RARB: variants seen among roughly 807,000 people sequenced by gnomAD.
RARB encodes retinoic acid receptor beta.
RARB carries 17 observed loss-of-function variants against 51.9 expected under a neutral mutation model. The observed-to-expected ratio is 0.33, with a 90% CI of 0.22 to 0.49. The LOEUF is 0.49. RARB is among the 20% of genes least tolerant of loss of function. The pLI is 0.99. For missense variants in RARB, 369 were observed against 550.8 expected (o/e 0.67, Z 3.30); for synonymous variants, 215 against 195.4 (o/e 1.10, Z -0.84).
rs188892738 is a variant in RARB at position 24,923,763 on chromosome 3, T to G, written c.-380+65011T>G. Among the ~76,000 whole-genome samples, 270 of 152,266 alleles carry G rather than the reference T, an allele frequency of 1.8e-3. 2 individuals are homozygous for G. The highest frequency in any genetic ancestry group is 0.012 in the South Asian group (60 of 4,822). On this transcript the variant is annotated intron_variant, in intron 2 of 11. Coordinates refer to the RARB transcript ENST00000383772. ...AACGGGCCTGAGCAAACCTAGAGTT[T>G]AGTAGCTTATGAAGCTTAAAGACTG... is the stretch of plus-strand genomic sequence containing the variant.
chr3:25,573,748 A>C (rs1329849220), intron 4 of RARB, among the ~76,000 whole-genome samples: 2 of 152,088 alleles, frequency 1.3e-5, no homozygotes, highest in African/African-American at 4.8e-5. Flanking sequence ...TGTCATCTTC[A>C]CCAGAGTGGC....
chr3:24,862,390 G>T (rs1195852811), intron 2 of RARB, among the ~76,000 whole-genome samples: 1 of 152,174 alleles, frequency 6.6e-6, no homozygotes, highest in Admixed American at 6.5e-5. Flanking sequence ...TGGTGAGGAA[G>T]TACAGTCATC....
At chr3:25,251,449 T>C (rs1430395332) in intron 5 of RARB, among the ~76,000 whole-genome samples, 1 of 152,158 alleles carries the variant, frequency 6.6e-6, no homozygotes, top group African/African-American at 2.4e-5. Context: ...CCTTTCAAAC[T>C]ATTTTCCAAA....
chr3:25,494,602 T>A (rs186373822), intron 2 of RARB, among the ~76,000 whole-genome samples: 1 of 152,322 alleles, frequency 6.6e-6, no homozygotes, highest in Admixed American at 6.5e-5. Context: ...TTCACTTGAC[T>A]TACTGTTTCT....
At chr3:24,991,205 C>G (rs1439894139) in intron 2 of RARB, among the ~76,000 whole-genome samples, 1 of 152,170 alleles carries the variant, frequency 6.6e-6, no homozygotes, top group African/African-American at 2.4e-5. Context: ...CTTTGGGAGG[C>G]TGAGGTGGGC....
chr3:25,434,542 T>C lies in RARB; in HGVS notation c.157+5654T>C, dbSNP rs966779851. ...TCCTTGGTACTCCTTTTTTTTTTTT[T>C]TTTCTTTTTTTTTTTTTGAGATGGA... On this transcript the variant is annotated intron_variant, in intron 1 of 7. Coordinates refer to ENST00000330688, the MANE Select transcript of RARB (RefSeq NM_000965.5). 4.4e-5 allele frequency among the ~76,000 whole-genome samples: 6 copies of C among 136,170 alleles called. No individual in the cohort carries two copies. In the East Asian group the frequency reaches 1.4e-3, roughly 31 times the overall value. The allele number at this position is 136,170 out of a possible 152,430, so 89.3% of individuals were successfully genotyped here.
chr3:24,986,384 A>T (rs1003359320), intron 2 of RARB, among the ~76,000 whole-genome samples: 1 of 152,246 alleles, frequency 6.6e-6, no homozygotes, highest in African/African-American at 2.4e-5. Context: ...GCAGACATAG[A>T]TTAAAGATCT....
At chr3:25,588,556 A>G (rs1701492558) in intron 5 of RARB, among the ~76,000 whole-genome samples, 2 of 152,202 alleles carry the variant, frequency 1.3e-5, no homozygotes, top group African/African-American at 4.8e-5. Flanking sequence ...AGCTTAAAAC[A>G]TAAGCATTAT....
At chr3:25,318,559 G>T (rs962139290) in intron 5 of RARB, among the ~76,000 whole-genome samples, 1 of 152,154 alleles carries the variant, frequency 6.6e-6, no homozygotes, top group South Asian at 2.1e-4. Flanking sequence ...CAGCTGAGAG[G>T]TCTTTAATAA....
intron 2 of RARB, among the ~76,000 whole-genome samples, chr3:25,043,670 C>T (rs1479242280): frequency 6.6e-6 from 1 of 151,914 alleles, no homozygotes; most frequent in Non-Finnish European, 1.5e-5. Flanking sequence ...ATAATTATAT[C>T]AAGATGATTT....
intron 5 of RARB, among the ~76,000 whole-genome samples, chr3:25,336,569 T>C (rs1705068756): frequency 6.6e-6 from 1 of 152,202 alleles, no homozygotes; most frequent in African/African-American, 2.4e-5. Flanking sequence ...TGAGGTTAAA[T>C]GCTTATAAGT....
At chr3:25,237,860 T>C (rs1450063298) in intron 5 of RARB, among the ~76,000 whole-genome samples, 1 of 152,190 alleles carries the variant, frequency 6.6e-6, no homozygotes, top group Non-Finnish European at 1.5e-5. Flanking sequence ...TCATACAATA[T>C]ATGGTCTGTT....
intron 5 of RARB, among the ~76,000 whole-genome samples, chr3:25,276,255 G>T (rs1417589758): frequency 2.0e-5 from 3 of 152,094 alleles, no homozygotes; most frequent in African/African-American, 7.2e-5. Flanking sequence ...ATGTTTAGTA[G>T]TGATCTTGAG....
intron 2 of RARB, among the ~76,000 whole-genome samples, chr3:24,859,536 G>A (rs1208429847): frequency 3.3e-5 from 5 of 152,232 alleles, no homozygotes; most frequent in African/African-American, 4.8e-5. Context: ...CTGTATTCTG[G>A]TGTTTCTAAA....
chr3:24,891,647 G>A (rs1327824166), intron 2 of RARB, among the ~76,000 whole-genome samples: 1 of 152,136 alleles, frequency 6.6e-6, no homozygotes, highest in Non-Finnish European at 1.5e-5. Context: ...AGCACTGATA[G>A]TGTGGAGTGT....
intron 5 of RARB, among the ~76,000 whole-genome samples, chr3:25,204,126 T>G (rs1701467057): frequency 6.6e-6 from 1 of 152,188 alleles, no homozygotes; most frequent in Admixed American, 6.5e-5. Flanking sequence ...CTTTGTTCAT[T>G]TCTTTTTACT....
chr3:25,486,449 T>C (rs1696474510), intron 2 of RARB, among the ~76,000 whole-genome samples: 1 of 152,196 alleles, frequency 6.6e-6, no homozygotes, highest in Non-Finnish European at 1.5e-5. Context: ...CCTACAGCCC[T>C]GGCAGAGGAT....
rs541273688 is a variant in RARB, at chr3:25,498,712, T to G, written c.307-2470T>G. On this transcript the variant is annotated intron_variant, in intron 2 of 7. Coordinates refer to ENST00000330688, the MANE Select transcript of RARB (RefSeq NM_000965.5). Reference sequence around the variant, plus strand: ...GCTGAACTAAAAATTTGGTTTTTAATAAAATAAATGGAGGGGGTCACCTTT... The same window carrying G: ...GCTGAACTAAAAATTTGGTTTTTAAGAAAATAAATGGAGGGGGTCACCTTT... Among the ~76,000 whole-genome samples the G allele has an allele frequency of 3.3e-5, 5 of 152,324 alleles. No individual in the cohort carries two copies. The East Asian group carries it at 9.6e-4, about 29-fold the overall frequency.
rs139065945 is a variant in RARB, at chr3:24,862,307, T to C, written c.-380+3555T>C. Among the ~76,000 whole-genome samples, 433 of 152,244 alleles carry C rather than the reference T, an allele frequency of 2.8e-3. 2 individuals carry two copies. Among genetic ancestry groups the C allele is most frequent in the African/African-American group, 9.8e-3 (406 of 41,546 alleles). On this transcript the variant is annotated intron_variant, in intron 2 of 11. Coordinates refer to the RARB transcript ENST00000383772. ...GCTATAGTGATTAAAAAGTATAAGG[T>C]AGCGAATTATATGATTTTTCATCTT...
Sources: allele counts gnomAD v4.1 joint callset (sites outside exome capture counted in the v4.1 genomes callset), GRCh38; gene constraint gnomAD v4.1.1; transcripts MANE v1.5; gene names NCBI Gene and HGNC (gene_info 2026-07-23, HGNC 2026-07-21).